Variants in SLC12A5 observed in about 807,000 individuals in gnomAD.
SLC12A5 encodes the protein K-Cl cotransporter 2.
In SLC12A5, 18 loss-of-function variants were observed where a neutral mutation model predicts 124.0. The ratio of observed to expected loss-of-function variants is 0.15; its 90% CI spans 0.10 to 0.22. The LOEUF (loss-of-function observed/expected upper bound fraction) is 0.22. SLC12A5 is among the 10% of genes least tolerant of loss of function. SLC12A5 has a pLI of 1.00. For missense variants in SLC12A5, 867 were observed against 1,478.7 expected, an observed-to-expected ratio of 0.59 and a Z score of 6.78; for synonymous variants, 589 against 568.0, an observed-to-expected ratio of 1.04 and a Z score of -0.53.
chr20:46,044,238 G>A (rs1419384884), intron 11 of SLC12A5, among the ~76,000 whole-genome samples: 1 of 152,138 alleles, frequency 6.6e-6, no homozygotes, highest in Admixed American at 6.5e-5. Flanking sequence ...ACAGACAGGA[G>A]TGGTATTTAT....
intron 21 of SLC12A5, chr20:46,055,853 G>T: frequency 1.1e-5 from 4 of 366,146 alleles, no homozygotes. Flanking sequence ...GTAAAACATG[G>T]CATGGTCACT....
upstream of SLC12A5, among the ~76,000 whole-genome samples, chr20:46,024,680 C>G (rs1179018743): frequency 1.3e-5 from 2 of 152,168 alleles, no homozygotes; most frequent in Admixed American, 1.3e-4. Flanking sequence ...GAGGATGAGC[C>G]ATAGGTGAGA....
At position 46,052,487 on chromosome 20, in the gene SLC12A5, C is replaced by T. The variant is rs1193243968; in HGVS notation, c.2378-470C>T. 2.0e-5 allele frequency among the ~76,000 whole-genome samples: 3 copies of T among 152,210 alleles called. No individual in the cohort carries two copies. In the East Asian group the frequency reaches 5.8e-4, roughly 29 times the overall value. On this transcript the variant is annotated intron_variant, in intron 18 of 25. Coordinates refer to ENST00000243964, the MANE Select transcript of SLC12A5 (RefSeq NM_020708.5). ...AGCCAAGGCAGGTGGATCGCTTGCG[C>T]TCAGGAGTTTGAGCTGGGCAACCTG...
chr20:46,022,568 G>A (rs1294272403), intron 1 of SLC12A5: 1 of 342,310 alleles, frequency 2.9e-6, no homozygotes, highest in African/African-American at 2.1e-5. Context: ...AAGGAGACGG[G>A]AGGCAGGGAA....
intron 7 of SLC12A5, 157 bp downstream of exon 7, chr20:46,040,771 G>A: frequency 8.4e-7 from 1 of 1,193,122 alleles, no homozygotes; most frequent in South Asian, 1.6e-5. Context: ...TCTTAGTTTG[G>A]GGGCAATCTC....
intron 21 of SLC12A5, 87 bp downstream of exon 21, chr20:46,055,110 C>T (rs537024282): frequency 4.4e-6 from 4 of 911,898 alleles, no homozygotes; most frequent in Non-Finnish European, 7.1e-6. Flanking sequence ...GCTGACACTC[C>T]TGGCATTTCA....
In SLC12A5 at chr20:46,057,036, G is replaced by A. The variant is rs2084702125; in HGVS notation, c.3125+125G>A. The A allele has an allele frequency of 6.3e-7, 1 of 1,585,798 alleles. No homozygotes were observed. On this transcript the variant is annotated intron_variant, in intron 24 of 25. Transcript: ENST00000243964. The surrounding 1 kb of genome is among the most constrained non-coding windows in gnomAD (Gnocchi z 7.1). ...GGATCTCTGAATAGCCTAGCCTGGA[G>A]ATGTTTAGGATTGGTGGTCCTAGGC...
intron 17 of SLC12A5, among the ~76,000 whole-genome samples, chr20:46,051,109 C>T (rs2084642572): frequency 6.6e-6 from 1 of 152,148 alleles, no homozygotes; most frequent in South Asian, 2.1e-4. Flanking sequence ...CTCACAGTAA[C>T]ATTAGCTGTG....
Position 46,048,893 on chromosome 20 carries a change from G to T in SLC12A5, c.2013-729G>T, listed in dbSNP as rs192590406. ...AAAAAAAAAAAGGGGGAAATTGGAG[G>T]TCAGAGAGGATCTCACAGGTCACAG... On this transcript the variant is annotated intron_variant, in intron 16 of 25. Coordinates refer to ENST00000243964, the MANE Select transcript of SLC12A5 (RefSeq NM_020708.5). 1.3e-3 allele frequency among the ~76,000 whole-genome samples: 197 copies of T among 151,636 alleles called. 1 individual carries two copies. The highest frequency in any genetic ancestry group is 3.1e-3 in the Admixed American group (48 of 15,260).
At chr20:46,032,149 A>T (rs1431401600) in intron 1 of SLC12A5, among the ~76,000 whole-genome samples, 1 of 152,088 alleles carries the variant, frequency 6.6e-6, no homozygotes, top group Non-Finnish European at 1.5e-5. Flanking sequence ...CGCGTTACAT[A>T]AGCGGCTGCG....
chr20:46,054,589 G>A (rs955335053), intron 20 of SLC12A5, among the ~76,000 whole-genome samples: 9 of 152,042 alleles, frequency 5.9e-5, no homozygotes, highest in African/African-American at 1.5e-4. Flanking sequence ...TTCATTCATC[G>A]CTTTGTTCTT....
Position 46,045,708 on chromosome 20 carries a change from C to T in SLC12A5, c.1570-170C>T, listed in dbSNP as rs6032632. Among the ~76,000 whole-genome samples the T allele has an allele frequency of 1.9e-3, 292 of 152,262 alleles. 3 individuals are homozygous for T. Among genetic ancestry groups the T allele is most frequent in the African/African-American group, 6.3e-3 (263 of 41,544 alleles). On this transcript the variant is annotated intron_variant, in intron 12 of 25. Transcript: ENST00000243964. This position sits in a 1 kb window ranked among gnomAD's most constrained non-coding sequence, Gnocchi z 4.9. Reference sequence around the variant, plus strand: ...CGATCTCAGGGTGGGCAAGATGCAGCGAAAGCCTGTTATCCATTTGCATTC... The same window carrying T: ...CGATCTCAGGGTGGGCAAGATGCAGTGAAAGCCTGTTATCCATTTGCATTC...
chr20:46,049,896 G>T, intron 17 of SLC12A5, 106 bp downstream of exon 17: 2 of 1,325,024 alleles, frequency 1.5e-6, no homozygotes, highest in Non-Finnish European at 2.0e-6. Flanking sequence ...ATCAAAGGAA[G>T]TGCAGGCATT....
intron 1 of SLC12A5, among the ~76,000 whole-genome samples, chr20:46,029,889 TGC>T (rs1160981762): frequency 0.17 from 12,760 of 75,058 alleles, 653 homozygotes; most frequent in Admixed American, 0.23. Flanking sequence ...TGTGTGTGTG[TGC>T]GCGCGCGTGC....
In SLC12A5 at chr20:46,041,420, C is replaced by A. The variant is rs373725781; in HGVS notation, c.946C>A (p.Arg316=). The A allele has an allele frequency of 8.7e-6, 14 of 1,614,008 alleles. No individual in the cohort carries two copies. The highest frequency in any genetic ancestry group is 1.7e-5 in the Admixed American group (1 of 60,002). ...AWEGNETVTT[R]LWGLFCSSRF... ...GGAAGGAAATGAGACGGTGACCACA[C>A]GGCTATGGGGCCTTTTCTGCTCCTC... Residue 316 remains arginine (R), a synonymous_variant, in exon 8 of 26, where the codon CGG becomes AGG. Transcript: ENST00000243964.
rs192961854 is a variant in SLC12A5 at position 46,045,647 on chromosome 20, T to C, written c.1570-231T>C. Among the ~76,000 whole-genome samples the C allele has an allele frequency of 3.8e-3, 585 of 152,194 alleles. 3 individuals carry two copies. The highest frequency in any genetic ancestry group is 0.014 in the African/African-American group (563 of 41,528). ...TGGTCCTCTGCAGCTGCTTTCCCCC[T>C]CTAGGGATCATTTGAACTTCATGGC... On this transcript the variant is annotated intron_variant, in intron 12 of 25. Coordinates refer to ENST00000243964, the MANE Select transcript of SLC12A5 (RefSeq NM_020708.5). This position sits in a 1 kb window ranked among gnomAD's most constrained non-coding sequence, Gnocchi z 4.9.
chr20:46,057,438 C>A lies in SLC12A5; in HGVS notation c.3260-76C>A, dbSNP rs1003363499. 3.1e-6 allele frequency: 5 copies of A among 1,600,462 alleles called. No homozygotes were observed. In the African/African-American group the frequency reaches 5.4e-5, roughly 17 times the overall value. ...GGACAGGGACACGGGCGCGAGAGGT[C>A]CCCTGGCAGCCGAGCGCGACCCCAA... is the stretch of plus-strand genomic sequence containing the variant. On this transcript the variant is annotated intron_variant, in intron 25 of 25. Transcript: ENST00000243964. The surrounding 1 kb of genome is among the most constrained non-coding windows in gnomAD (Gnocchi z 7.1).
intron 7 of SLC12A5, chr20:46,041,120 T>G (rs573767663): frequency 1.9e-6 from 1 of 530,346 alleles, no homozygotes; most frequent in African/African-American, 1.9e-5. Flanking sequence ...AATGCGGTGC[T>G]TCTCCACCTT....
intron 4 of SLC12A5, chr20:46,036,157 T>G: frequency 2.1e-6 from 1 of 467,230 alleles, no homozygotes; most frequent in South Asian, 5.1e-5. Context: ...ACACAAGTGA[T>G]GCAGCTCATT....
Sources: gnomAD v4.1 joint callset for allele counts (sites outside exome capture counted in the v4.1 genomes callset) on GRCh38, gnomAD v4.1.1 for gene constraint, Gnocchi (gnomAD v3.1) non-coding constraint, MANE v1.5 for transcripts, NCBI Gene and HGNC (gene_info 2026-07-23, HGNC 2026-07-21) for gene names.